Variants in CATSPER3 observed in about 807,000 individuals in gnomAD.
The protein encoded by CATSPER3 is cation channel sperm-associated protein 3.
Under a neutral mutation model 36.6 loss-of-function variants are expected in CATSPER3, and 23 were observed. The ratio of observed to expected loss-of-function variants is 0.63; its 90% CI spans 0.45 to 0.89. CATSPER3 has a LOEUF of 0.89. Ranked by LOEUF, CATSPER3 falls within the 40% of genes least tolerant of loss-of-function variation. The pLI is 0.00. For synonymous variants in CATSPER3, 172 were observed against 184.1 expected, an observed-to-expected ratio of 0.93 and a Z score of 0.53; for missense variants, 474 against 503.9, an observed-to-expected ratio of 0.94 and a Z score of 0.57.
chr5:134,978,119 G>A (rs74814944), intron 2 of CATSPER3, among the ~76,000 whole-genome samples: 5 of 152,296 alleles, frequency 3.3e-5, no homozygotes, highest in South Asian at 4.1e-4. Flanking sequence ...CATCCAAACC[G>A]TATTATGTCA....
At chr5:134,970,178 G>A (rs79930530) in intron 2 of CATSPER3, 86 bp downstream of exon 2, 19 of 1,240,330 alleles carry the variant, frequency 1.5e-5, no homozygotes, top group Admixed American at 3.6e-5. Flanking sequence ...TTTTTTTTCC[G>A]AGACAGAATC....
At chr5:134,982,373 CAT>C (rs1751760944) in intron 2 of CATSPER3, among the ~76,000 whole-genome samples, 1 of 151,822 alleles carries the variant, frequency 6.6e-6, no homozygotes, top group Non-Finnish European at 1.5e-5. Flanking sequence ...GAAGGAGAAA[CAT>C]AAAAAGAGCC....
At chr5:134,983,128 A>G (rs1017169567) in intron 2 of CATSPER3, among the ~76,000 whole-genome samples, 2 of 152,228 alleles carry the variant, frequency 1.3e-5, no homozygotes, top group Admixed American at 1.3e-4. Context: ...GCAAAAAGGC[A>G]GTAATGGAGG....
At chr5:134,969,087 A>G (rs1751569951) in intron 1 of CATSPER3, 1 of 152,260 alleles carries the variant, frequency 6.6e-6, no homozygotes, top group South Asian at 2.1e-4. Flanking sequence ...GTATTTCACA[A>G]GATGGACATA....
At chr5:135,010,559 C>T in intron 7 of CATSPER3, 29 bp downstream of exon 7, 2 of 1,606,588 alleles carry the variant, frequency 1.2e-6, no homozygotes, top group Non-Finnish European at 1.7e-6. Flanking sequence ...CTTCCCTGGT[C>T]CCTAGGGCTT....
rs762191287 is a variant in CATSPER3, at chr5:134,996,366, C to G, written c.346C>G (p.Leu116Val). The change falls in exon 3 of 8, where the codon CTG becomes GTG. Residue 116 changes from leucine to valine, a missense_variant. Coordinates refer to ENST00000282611, the MANE Select transcript of CATSPER3 (RefSeq NM_178019.3). ...CAACTACTGGAAGAACGGCTACAAC[C>G]TGCTGGATGTGATCATTATCATCGT... ...PINYWKNGYNLLDVIIIIVMF... is the reference protein window; with the variant it reads ...PINYWKNGYNVLDVIIIIVMF... 1.2e-6 allele frequency: 2 copies of G among 1,614,138 alleles called. No homozygotes were observed. Among genetic ancestry groups the G allele is most frequent in the Non-Finnish European group, 1.7e-6 (2 of 1,180,038 alleles).
At chr5:134,995,365 T>C (rs1280069025) in intron 2 of CATSPER3, among the ~76,000 whole-genome samples, 1 of 152,140 alleles carries the variant, frequency 6.6e-6, no homozygotes, top group East Asian at 1.9e-4. Flanking sequence ...CACATATGAG[T>C]GAGAACATGT....
At position 134,970,992 on chromosome 5, in the gene CATSPER3, C is replaced by G. The variant is rs190552878; in HGVS notation, c.252+900C>G. 3.4e-3 allele frequency among the ~76,000 whole-genome samples: 519 copies of G among 152,170 alleles called. 4 individuals are homozygous for G. The highest frequency in any genetic ancestry group is 0.012 in the African/African-American group (501 of 41,534). ...TGAGACGAAGTCTCGCTCTGTCACCCAGGCTGGAGTGCAGTGGCGCAATCT... is the reference window on the plus strand; with the variant it reads ...TGAGACGAAGTCTCGCTCTGTCACCGAGGCTGGAGTGCAGTGGCGCAATCT... On this transcript the variant is annotated intron_variant, in intron 2 of 7. Coordinates refer to ENST00000282611, the MANE Select transcript of CATSPER3 (RefSeq NM_178019.3).
intron 2 of CATSPER3, among the ~76,000 whole-genome samples, chr5:134,994,937 C>CCCTT (rs1202036141): frequency 2.0e-5 from 3 of 151,454 alleles, no homozygotes; most frequent in Non-Finnish European, 4.4e-5. Context: ...CTACCTCCCT[C>CCCTT]CCTTCCTTCC....
At chr5:135,003,072 A>G (rs1752042196) in intron 3 of CATSPER3, among the ~76,000 whole-genome samples, 2 of 152,118 alleles carry the variant, frequency 1.3e-5, no homozygotes, top group African/African-American at 4.8e-5. Context: ...GTTTCTCCCC[A>G]TCTTTGTGGT....
intron 7 of CATSPER3, among the ~76,000 whole-genome samples, 188 bp downstream of exon 7, chr5:135,010,718 C>T (rs1404587832): frequency 6.6e-6 from 1 of 152,140 alleles, no homozygotes; most frequent in East Asian, 1.9e-4. Context: ...GTGGACGGGC[C>T]ATGGCTGGGG....
At chr5:134,996,171 G>A in intron 2 of CATSPER3, 102 bp from the exon 3 acceptor site, 2 of 1,452,932 alleles carry the variant, frequency 1.4e-6, no homozygotes, top group Non-Finnish European at 1.9e-6. Flanking sequence ...TCTCATGTGG[G>A]TGACTTAGGA....
chr5:134,969,453 T>A (rs1305478506), intron 1 of CATSPER3: 1 of 172,582 alleles, frequency 5.8e-6, no homozygotes, highest in Non-Finnish European at 1.2e-5. Context: ...TTGGTGTTTA[T>A]TTCATGAATA....
Position 135,010,500 on chromosome 5 carries a change from C to T in CATSPER3, c.1064C>T (p.Thr355Ile). The change falls in exon 7 of 8, where the codon ACT becomes ATT. Residue 355 changes from threonine (T) to isoleucine (I), a missense_variant. Physicochemically the swap from Thr to Ile is moderately conservative, Grantham distance 89. Coordinates refer to ENST00000282611, the MANE Select transcript of CATSPER3 (RefSeq NM_178019.3). Reference sequence around the variant, plus strand: ...CCCTTCATCGATATCTACTTTTCCACTCTGGACTACCAGGACACAACTGTC... The same window carrying T: ...CCCTTCATCGATATCTACTTTTCCATTCTGGACTACCAGGACACAACTGTC... ...SLPFIDIYFS[T>I]LDYQDTTVHK... 4 of 1,614,162 alleles carry T rather than the reference C, an allele frequency of 2.5e-6. No homozygotes were observed. The highest frequency in any genetic ancestry group is 3.4e-6 in the Non-Finnish European group (4 of 1,179,962).
intron 2 of CATSPER3, among the ~76,000 whole-genome samples, chr5:134,979,851 C>T (rs934615390): frequency 6.6e-6 from 1 of 152,186 alleles, no homozygotes; most frequent in Non-Finnish European, 1.5e-5. Context: ...TTGTAAATGG[C>T]TTTGCTAAGC....
intron 3 of CATSPER3, among the ~76,000 whole-genome samples, chr5:135,004,620 G>A (rs756624272): frequency 1.3e-5 from 2 of 152,184 alleles, no homozygotes; most frequent in Non-Finnish European, 2.9e-5. Context: ...GCAGGGGCCA[G>A]GAGTGGCACC....
At chr5:134,970,989 A>G (rs1751598588) in intron 2 of CATSPER3, among the ~76,000 whole-genome samples, 2 of 150,940 alleles carry the variant, frequency 1.3e-5, no homozygotes, top group African/African-American at 4.9e-5. Context: ...TCGCTCTGTC[A>G]CCCAGGCTGG....
chr5:134,987,881 T>C (rs903463043), intron 2 of CATSPER3, among the ~76,000 whole-genome samples: 2 of 152,148 alleles, frequency 1.3e-5, no homozygotes, highest in Non-Finnish European at 2.9e-5. Context: ...CCCCCTAAAA[T>C]TAGGAACAAG....
chr5:134,972,468 A>G (rs1329764989), intron 2 of CATSPER3, among the ~76,000 whole-genome samples: 1 of 152,310 alleles, frequency 6.6e-6, no homozygotes, highest in East Asian at 1.9e-4. Flanking sequence ...GACAAAACTC[A>G]GGAAAGAACT....
Sources: gnomAD v4.1 joint callset for allele counts (sites outside exome capture counted in the v4.1 genomes callset) on GRCh38, gnomAD v4.1.1 for gene constraint, MANE v1.5 for transcripts, NCBI Gene and HGNC (gene_info 2026-07-23, HGNC 2026-07-21) for gene names.